MYOZ2: variants seen among roughly 807,000 people sequenced by gnomAD.
The protein encoded by MYOZ2 is myozenin 2.
In MYOZ2, 19 loss-of-function variants were observed where a neutral mutation model predicts 25.4. That is an observed-to-expected ratio of 0.75 (90% CI 0.52 to 1.10). The LOEUF is 1.10. Ranked by LOEUF, MYOZ2 falls within the 50% of genes least tolerant of loss-of-function variation. The pLI, the probability that MYOZ2 is intolerant of heterozygous loss-of-function variation, is 0.00. For missense variants in MYOZ2, 270 were observed against 317.9 expected (o/e 0.85, Z 1.15); for synonymous variants, 92 against 106.9 (o/e 0.86, Z 0.86).
chr4:119,160,940 T>C (rs1470912955), intron 4 of MYOZ2, among the ~76,000 whole-genome samples: 1 of 14,242 alleles, frequency 7.0e-5, no homozygotes, highest in Admixed American at 8.6e-4. Flanking sequence ...TATATATAAA[T>C]AACTGTATTA....
intron 2 of MYOZ2, among the ~76,000 whole-genome samples, chr4:119,147,734 A>C: frequency 9.5e-6 from 1 of 105,028 alleles, no homozygotes; most frequent in Admixed American, 1.1e-4. Flanking sequence ...ACAGAGTAAG[A>C]CTCTGTCTCA....
Position 119,161,180 on chromosome 4 carries a change from T to C in MYOZ2, c.376+3029T>C, listed in dbSNP as rs181951220. On this transcript the variant is annotated intron_variant, in intron 4 of 5. Transcript: ENST00000307128. Reference sequence around the variant, plus strand: ...TAAGAGAAATTTTTAAAGCACTAATTTATGTACCTATTTAGAGCTAGTATC... The same window carrying C: ...TAAGAGAAATTTTTAAAGCACTAATCTATGTACCTATTTAGAGCTAGTATC... Among the ~76,000 whole-genome samples, 3 of 152,206 alleles carry C rather than the reference T, an allele frequency of 2.0e-5. No individual in the cohort carries two copies. In the East Asian group the frequency reaches 5.8e-4, roughly 29 times the overall value.
chr4:119,136,513 G>T lies in MYOZ2; in HGVS notation c.-13G>T. ...ATAATGTCCCTTTGTTTTTAACAGG[G>T]AACAAAAAAACCATGCTATCACATA... On this transcript the variant is annotated splice_region_variant and 5_prime_UTR_variant, in exon 2 of 6. Transcript: ENST00000307128. The T allele has an allele frequency of 6.2e-7, 1 of 1,612,096 alleles. No homozygotes were observed. Among genetic ancestry groups the T allele is most frequent in the Non-Finnish European group, 8.5e-7 (1 of 1,178,684 alleles).
At chr4:119,160,415 G>C (rs1216173173) in intron 4 of MYOZ2, among the ~76,000 whole-genome samples, 1 of 151,634 alleles carries the variant, frequency 6.6e-6, no homozygotes, top group East Asian at 1.9e-4. Flanking sequence ...CTTTTATTAT[G>C]TAGTCTTTAC....
At chr4:119,151,079 C>T (rs566965975) in intron 3 of MYOZ2, 38 bp downstream of exon 3, 192 of 1,537,614 alleles carry the variant, frequency 1.2e-4, no homozygotes, top group Non-Finnish European at 1.5e-4. Flanking sequence ...CAAATGAATG[C>T]GCAATATTTC....
chr4:119,147,101 A>AGT (rs1209236879), intron 2 of MYOZ2, among the ~76,000 whole-genome samples: 1 of 152,204 alleles, frequency 6.6e-6, no homozygotes, highest in Non-Finnish European at 1.5e-5. Flanking sequence ...TATCATAGGC[A>AGT]GTGAGTTTCA....
intron 3 of MYOZ2, among the ~76,000 whole-genome samples, chr4:119,153,520 CCA>C (rs1178667788): frequency 1.3e-5 from 2 of 151,940 alleles, no homozygotes; most frequent in East Asian, 3.9e-4. Flanking sequence ...GATTTTTATA[CCA>C]CATTAATCTG....
chr4:119,154,346 T>A (rs1250103332), intron 3 of MYOZ2, among the ~76,000 whole-genome samples: 4 of 152,174 alleles, frequency 2.6e-5, no homozygotes, highest in African/African-American at 9.6e-5. Flanking sequence ...CATATCTTCA[T>A]TTGTCTTTCC....
chr4:119,173,796 G>A (rs533736930), intron 5 of MYOZ2, among the ~76,000 whole-genome samples: 3 of 152,326 alleles, frequency 2.0e-5, no homozygotes, highest in Non-Finnish European at 4.4e-5. Context: ...GGAGAGGCCC[G>A]AGCGGGAACC....
rs552578198 is a variant in MYOZ2, at chr4:119,174,033, C to A, written c.560+9639C>A. On this transcript the variant is annotated intron_variant, in intron 5 of 5. Transcript: ENST00000307128. ...TTAGCTGCCTTCCCGCAGGGCAGGGCTTGGGACCTGCAGCCCGCCATGCCT... is the reference window on the plus strand; with the variant it reads ...TTAGCTGCCTTCCCGCAGGGCAGGGATTGGGACCTGCAGCCCGCCATGCCT... 7.9e-5 allele frequency among the ~76,000 whole-genome samples: 12 copies of A among 152,350 alleles called. No individual in the cohort carries two copies. In the East Asian group the frequency reaches 1.9e-3, roughly 25 times the overall value.
intron 2 of MYOZ2, among the ~76,000 whole-genome samples, chr4:119,137,500 T>G (rs911175027): frequency 6.6e-6 from 1 of 152,112 alleles, no homozygotes; most frequent in African/African-American, 2.4e-5. Context: ...CACTACAATA[T>G]TGAGACCTAG....
Position 119,150,026 on chromosome 4 carries a change from A to G in MYOZ2, c.77-846A>G, listed in dbSNP as rs576661561. Reference sequence around the variant, plus strand: ...CATTTAACGGTAGTCAACTGTGGCAAAAAGACTCTGTGGGTATTACAGAAA... The same window carrying G: ...CATTTAACGGTAGTCAACTGTGGCAGAAAGACTCTGTGGGTATTACAGAAA... On this transcript the variant is annotated intron_variant, in intron 2 of 5. Coordinates refer to ENST00000307128, the MANE Select transcript of MYOZ2 (RefSeq NM_016599.5). Among the ~76,000 whole-genome samples the G allele has an allele frequency of 1.2e-4, 18 of 152,320 alleles. No homozygotes were observed. The South Asian group carries it at 3.7e-3, about 32-fold the overall frequency.
At chr4:119,154,791 C>A (rs979854431) in intron 3 of MYOZ2, among the ~76,000 whole-genome samples, 4 of 151,454 alleles carry the variant, frequency 2.6e-5, no homozygotes, top group African/African-American at 9.7e-5. Context: ...AAGATACTAA[C>A]CTAGTCAATT....
intron 3 of MYOZ2, among the ~76,000 whole-genome samples, chr4:119,157,750 C>CA (rs1275855288): frequency 2.0e-5 from 3 of 152,146 alleles, no homozygotes; most frequent in Non-Finnish European, 4.4e-5. Context: ...CCACTACACA[C>CA]AGTGCCTGGC....
intron 4 of MYOZ2, among the ~76,000 whole-genome samples, chr4:119,160,968 A>G (rs1390573666): frequency 6.6e-6 from 1 of 151,948 alleles, no homozygotes; most frequent in Non-Finnish European, 1.5e-5. Context: ...AACACCCTAC[A>G]GTGTTATAGA....
At chr4:119,158,253 T>C in intron 4 of MYOZ2, 102 bp downstream of exon 4, 2 of 1,464,046 alleles carry the variant, frequency 1.4e-6, no homozygotes, top group South Asian at 2.4e-5. Context: ...AAATAATATA[T>C]CTTTTCTCAT....
At chr4:119,183,740 C>T (rs1475674661) in intron 5 of MYOZ2, among the ~76,000 whole-genome samples, 1 of 151,986 alleles carries the variant, frequency 6.6e-6, no homozygotes, top group Admixed American at 6.6e-5. Flanking sequence ...TCCATCTTTA[C>T]ATAAAACACC....
chr4:119,137,596 T>C (rs1227947589), intron 2 of MYOZ2, among the ~76,000 whole-genome samples: 5 of 152,324 alleles, frequency 3.3e-5, no homozygotes, highest in South Asian at 2.1e-4. Context: ...CAAAGACTTT[T>C]AGATGCTCCC....
chr4:119,163,203 T>A (rs116694093), intron 4 of MYOZ2, among the ~76,000 whole-genome samples: 7,556 of 151,944 alleles, frequency 0.05, 279 homozygotes, highest in African/African-American at 0.1. Context: ...TGTTTAGACA[T>A]GGAATTATCA....
Sources: allele counts gnomAD v4.1 joint callset (sites outside exome capture counted in the v4.1 genomes callset), GRCh38; gene constraint gnomAD v4.1.1; transcripts MANE v1.5; gene names NCBI Gene and HGNC (gene_info 2026-07-23, HGNC 2026-07-21).